The following DNAAF4 variants were observed in gnomAD, a reference collection of about 807,000 sequenced individuals.
The protein encoded by DNAAF4 is dynein assembly factor 4, axonemal.
Under a neutral mutation model 51.8 loss-of-function variants are expected in DNAAF4, and 43 were observed. The ratio of observed to expected loss-of-function variants is 0.83; its 90% CI spans 0.65 to 1.07. The LOEUF (loss-of-function observed/expected upper bound fraction) is 1.07. Among genes scored for constraint, DNAAF4 ranks in the 50% least tolerant of loss-of-function variants. DNAAF4 has a pLI of 0.00. For synonymous variants in DNAAF4, 194 were observed against 165.6 expected (o/e 1.17, Z -1.32); for missense variants, 581 against 493.0 (o/e 1.18, Z -1.69).
intron 6 of DNAAF4, among the ~76,000 whole-genome samples, chr15:55,445,449 GA>G (rs1357574333): frequency 6.6e-6 from 1 of 151,920 alleles, no homozygotes; most frequent in African/African-American, 2.4e-5. Context: ...TTTCTACACA[GA>G]CACAGTAACA....
At chr15:55,418,115 C>G in exon 8 of DNAAF4, 5 of 1,584,394 alleles carry the variant, frequency 3.2e-6, no homozygotes, top group Non-Finnish European at 4.3e-6. Context: ...CATTCAATGC[C>G]CTCAAGAGAA....
At chr15:55,432,730 G>C (rs1036343638) in intron 8 of DNAAF4, 128 bp from the exon 9 acceptor site, 37 of 676,676 alleles carry the variant, frequency 5.5e-5, no homozygotes, top group Non-Finnish European at 2.3e-5. Flanking sequence ...TGGATCACCT[G>C]AAGTCAGGAT....
intron 5 of DNAAF4, 28 bp downstream of exon 5, chr15:55,466,902 C>T (rs773570771): frequency 6.3e-7 from 1 of 1,580,354 alleles, no homozygotes. Context: ...ACAGGACTCA[C>T]TACTCAAGAA....
intron 1 of DNAAF4, among the ~76,000 whole-genome samples, chr15:55,502,340 T>C (rs1301900106): frequency 1.3e-5 from 2 of 152,130 alleles, no homozygotes; most frequent in East Asian, 3.8e-4. Context: ...TAATTAAATT[T>C]TTAAAATTTA....
At chr15:55,448,519 G>GGGGTGTGTGTGT (rs1555415711) in intron 6 of DNAAF4, among the ~76,000 whole-genome samples, 1 of 99,906 alleles carries the variant, frequency 1.0e-5, no homozygotes, top group South Asian at 3.8e-4. Flanking sequence ...AAAAAAAAAG[G>GGGGTGTGTGTGT]GTGTGTGTGT....
chr15:55,445,084 C>T (rs1166022074), intron 6 of DNAAF4, among the ~76,000 whole-genome samples: 18 of 118,828 alleles, frequency 1.5e-4, no homozygotes, highest in Admixed American at 1.0e-3. Context: ...GGGTGTTTCT[C>T]AGAGAGGGGG....
At position 55,439,705 on chromosome 15, in the gene DNAAF4, T is replaced by A. The variant is rs1194767304; in HGVS notation, c.784-124A>T. ...ATTTGCTATGCACTGAGTGTTTGTG[T>A]CTTCTCCACCTCTCCTCCAAATTGA... On this transcript the variant is annotated intron_variant, in intron 6 of 9. Transcript: ENST00000321149. The A allele has an allele frequency of 6.4e-6, 5 of 779,434 alleles. No individual in the cohort carries two copies. In the African/African-American group the frequency reaches 7.0e-5, roughly 11 times the overall value. 48.3% of individuals were successfully genotyped at this position (779,434 alleles called of 1,614,324 possible). A position where few individuals can be genotyped will look rare whatever the true frequency, so the allele number is the denominator to read the frequency against.
intron 5 of DNAAF4, among the ~76,000 whole-genome samples, chr15:55,462,185 G>T (rs536750919): frequency 6.6e-6 from 1 of 151,776 alleles, no homozygotes; most frequent in Admixed American, 6.6e-5. Context: ...GGACCAGATG[G>T]ATTCACAGCT....
intron 7 of DNAAF4, among the ~76,000 whole-genome samples, chr15:55,438,342 A>G (rs1486358136): frequency 4.0e-5 from 3 of 75,662 alleles, no homozygotes; most frequent in African/African-American, 9.6e-5. Context: ...CAAGAGCGAG[A>G]CTTTGTCTCA....
At chr15:55,457,519 C>T (rs73408876) in intron 5 of DNAAF4, among the ~76,000 whole-genome samples, 2,144 of 152,154 alleles carry the variant, frequency 0.014, 43 homozygotes, top group African/African-American at 0.046. Context: ...GTACTTGTCC[C>T]GGCCAACATC....
In DNAAF4 at chr15:55,435,009, A is replaced by C; in HGVS notation, c.943T>G (p.Leu315Val). The change falls in exon 8 of 10, where the codon TTA becomes GTA. Residue 315 changes from leucine to valine, a missense_variant. Leu to Val is a conservative substitution (Grantham distance 32). Coordinates refer to ENST00000321149, the MANE Select transcript of DNAAF4 (RefSeq NM_130810.4). ...NYLAAINAYN[L>V]AIRLNNKMPL... Reference sequence around the variant, plus strand: ...ATCTTATTATTTAGTCTTATGGCTAAATTATATGCATTGATAGCTGCCAAA... The same window carrying C: ...ATCTTATTATTTAGTCTTATGGCTACATTATATGCATTGATAGCTGCCAAA... The C allele has an allele frequency of 3.7e-6, 6 of 1,611,960 alleles. No homozygotes were observed. Among genetic ancestry groups the C allele is most frequent in the Non-Finnish European group, 5.1e-6 (6 of 1,179,562 alleles).
rs570189153 is a variant in DNAAF4, at chr15:55,495,439, A to G, written c.271+2273T>C. 1.5e-3 allele frequency among the ~76,000 whole-genome samples: 227 copies of G among 152,324 alleles called. 2 individuals are homozygous for G. The highest frequency in any genetic ancestry group is 1.2e-3 in the Admixed American group (19 of 15,288). On this transcript the variant is annotated intron_variant, in intron 3 of 9. Coordinates refer to ENST00000321149, the MANE Select transcript of DNAAF4 (RefSeq NM_130810.4). ...CAAGGCTTAATGCCAAAGGCTTAAA[A>G]GAAATTCCAGGCAGTAGTCTGGGTG...
intron 7 of DNAAF4, among the ~76,000 whole-genome samples, chr15:55,423,549 A>G (rs983129626): frequency 1.3e-5 from 2 of 152,166 alleles, no homozygotes; most frequent in Non-Finnish European, 2.9e-5. Context: ...TGACCAGAGT[A>G]TTTGTATTCT....
chr15:55,424,948 C>T (rs144274019), intron 7 of DNAAF4, among the ~76,000 whole-genome samples: 5,770 of 151,844 alleles, frequency 0.038, 145 homozygotes, highest in Non-Finnish European at 0.056. Flanking sequence ...TCACCACAAC[C>T]GTCACCTCCC....
At chr15:55,433,278 G>A (rs2141402923) in intron 8 of DNAAF4, among the ~76,000 whole-genome samples, 1 of 141,120 alleles carries the variant, frequency 7.1e-6, no homozygotes, top group South Asian at 2.1e-4. Flanking sequence ...CCAGCCTGGT[G>A]ACAGAGTGAG....
At chr15:55,468,018 T>A (rs1270092797) in intron 4 of DNAAF4, among the ~76,000 whole-genome samples, 2 of 152,174 alleles carry the variant, frequency 1.3e-5, no homozygotes, top group African/African-American at 4.8e-5. Context: ...GATCAAAATG[T>A]CTGTGCTATC....
At chr15:55,505,234 G>C (rs2058720810) in intron 1 of DNAAF4, among the ~76,000 whole-genome samples, 1 of 152,198 alleles carries the variant, frequency 6.6e-6, no homozygotes, top group Non-Finnish European at 1.5e-5. Flanking sequence ...TCTCACACCA[G>C]TCAGAATGGT....
intron 4 of DNAAF4, among the ~76,000 whole-genome samples, chr15:55,467,723 C>G (rs28658029): frequency 0.41 from 61,721 of 151,924 alleles, 12,779 homozygotes; most frequent in Non-Finnish European, 0.45. Flanking sequence ...TCTGTCTCTG[C>G]TGGGTGGAAA....
chr15:55,445,967 G>A (rs372734095), intron 6 of DNAAF4, among the ~76,000 whole-genome samples: 24 of 127,854 alleles, frequency 1.9e-4, no homozygotes, highest in East Asian at 5.4e-4. Flanking sequence ...CGGGGCGGCC[G>A]GGCAGAGGCG....
Sources: gnomAD v4.1 joint callset for allele counts (sites outside exome capture counted in the v4.1 genomes callset) on GRCh38, gnomAD v4.1.1 for gene constraint, MANE v1.5 for transcripts, NCBI Gene and HGNC (gene_info 2026-07-23, HGNC 2026-07-21) for gene names.